The following SVIL variants were observed in gnomAD, a reference collection of about 807,000 sequenced individuals.
The protein encoded by SVIL is supervillin.
Under a neutral mutation model 240.4 loss-of-function variants are expected in SVIL, and 101 were observed. The ratio of observed to expected loss-of-function variants is 0.42; its 90% CI spans 0.36 to 0.50. The LOEUF (loss-of-function observed/expected upper bound fraction) is 0.50. Among genes scored for constraint, SVIL ranks in the 20% least tolerant of loss-of-function variants. The pLI, the probability that SVIL is intolerant of heterozygous loss-of-function variation, is 0.01. For missense variants in SVIL, 2,512 were observed against 2,818.7 expected (o/e 0.89, Z 2.46); for synonymous variants, 999 against 1,100.0 (o/e 0.91, Z 1.82).
rs1948693773 is a variant in SVIL at position 29,499,266 on chromosome 10, G to A, written c.3517-3C>T. ...CTCTCTCGACTTTCTGTGACCCGCT[G>A]TTCATAAATGTACAGAAGAGAAAAC... On this transcript the variant is annotated splice_polypyrimidine_tract_variant and splice_region_variant and intron_variant, in intron 17 of 37. Coordinates refer to ENST00000355867, the MANE Select transcript of SVIL (RefSeq NM_021738.3). The A allele has an allele frequency of 1.2e-6, 2 of 1,614,216 alleles. No homozygotes were observed. Among genetic ancestry groups the A allele is most frequent in the Non-Finnish European group, 1.7e-6 (2 of 1,180,046 alleles).
chr10:29,648,422 G>A lies in SVIL; in HGVS notation c.-201+9547C>T, dbSNP rs141928192. ...CAGATCCACTCTGAGCAGAAAAGAC[G>A]GAATCAGTACTCTTCCATAAAATGA... is the stretch of plus-strand genomic sequence containing the variant. On this transcript the variant is annotated intron_variant, in intron 3 of 35. Transcript: ENST00000375400. 4.6e-5 allele frequency among the ~76,000 whole-genome samples: 7 copies of A among 152,240 alleles called. No individual in the cohort carries two copies. The East Asian group carries it at 1.2e-3, about 25-fold the overall frequency.
intron 1 of SVIL, among the ~76,000 whole-genome samples, chr10:29,574,726 G>T (rs1160695392): frequency 6.6e-6 from 1 of 152,214 alleles, no homozygotes; most frequent in African/African-American, 2.4e-5. Flanking sequence ...GGCCACTGTT[G>T]TAAACTTGTC....
intron 17 of SVIL, chr10:29,508,504 G>C (rs570993378): frequency 1.3e-6 from 1 of 769,912 alleles, no homozygotes; most frequent in Admixed American, 2.4e-5. Flanking sequence ...CAGCATGCAC[G>C]TGCTCACACA....
chr10:29,588,814 T>C (rs533036006), intron 1 of SVIL, among the ~76,000 whole-genome samples: 61 of 152,292 alleles, frequency 4.0e-4, no homozygotes, highest in Admixed American at 9.8e-4. Context: ...CGTAACTGAC[T>C]TCCCCCTCCT....
At chr10:29,619,142 A>G (rs1166426316) in intron 1 of SVIL, among the ~76,000 whole-genome samples, 2 of 152,232 alleles carry the variant, frequency 1.3e-5, no homozygotes, top group African/African-American at 4.8e-5. Flanking sequence ...TAGAGGACTG[A>G]CAGAAGTCAT....
In SVIL at chr10:29,512,838, C is replaced by T; in HGVS notation, c.3413G>A (p.Gly1138Glu). The part of the protein sequence containing the change: ...KERLALLKKS[G>E]EEDWRNRLSR... ...GAGTCTGTTTCTCCAATCTTCCTCC[C>T]CGCTTTTCTTCAACAGTGCCAATCT... The change falls in exon 17 of 38, where the codon GGG (glycine) becomes GAG (glutamate). Residue 1138 changes from glycine (G) to glutamate (E), a missense_variant. Physicochemically the swap from Gly to Glu is moderately conservative, Grantham distance 98. Coordinates refer to ENST00000355867, the MANE Select transcript of SVIL (RefSeq NM_021738.3). 2 of 1,611,568 alleles carry T rather than the reference C, an allele frequency of 1.2e-6. No homozygotes were observed. Among genetic ancestry groups the T allele is most frequent in the Non-Finnish European group, 8.5e-7 (1 of 1,180,006 alleles).
chr10:29,545,115 CAG>C (rs774867106), intron 6 of SVIL: 3 of 533,776 alleles, frequency 5.6e-6, no homozygotes. Flanking sequence ...ACACCTCTCT[CAG>C]TGCATGGAAA....
intron 1 of SVIL, among the ~76,000 whole-genome samples, chr10:29,724,865 T>A (rs1964201406): frequency 1.3e-5 from 2 of 151,552 alleles, no homozygotes; most frequent in African/African-American, 2.4e-5. Context: ...CCACCAAAAA[T>A]ACAAAAATTA....
chr10:29,711,512 G>A (rs181658991), intron 1 of SVIL, among the ~76,000 whole-genome samples: 6 of 152,238 alleles, frequency 3.9e-5, no homozygotes, highest in Admixed American at 1.3e-4. Flanking sequence ...TGTAATCCCA[G>A]CACTTTGGGA....
intron 24 of SVIL, among the ~76,000 whole-genome samples, chr10:29,486,835 C>T (rs1307731664): frequency 1.3e-5 from 2 of 152,218 alleles, no homozygotes; most frequent in African/African-American, 2.4e-5. Flanking sequence ...TACCCCATGA[C>T]AGTCTCATTC....
chr10:29,500,903 T>C (rs1948838625), intron 17 of SVIL, among the ~76,000 whole-genome samples: 1 of 152,044 alleles, frequency 6.6e-6, no homozygotes, highest in South Asian at 2.1e-4. Flanking sequence ...AGAGTGGAGA[T>C]GGGGACAGTT....
intron 3 of SVIL, among the ~76,000 whole-genome samples, chr10:29,641,595 T>C (rs1303564300): frequency 6.6e-6 from 1 of 151,830 alleles, no homozygotes; most frequent in Non-Finnish European, 1.5e-5. Context: ...AAATAAAAAA[T>C]AAAAATAAAT....
intron 1 of SVIL, among the ~76,000 whole-genome samples, chr10:29,628,671 T>C (rs1372945171): frequency 6.6e-6 from 1 of 152,156 alleles, no homozygotes; most frequent in Non-Finnish European, 1.5e-5. Context: ...ATACAAATTC[T>C]CACACAGCTA....
chr10:29,491,677 A>C (rs144982270), intron 21 of SVIL, among the ~76,000 whole-genome samples: 612 of 152,292 alleles, frequency 4.0e-3, no homozygotes, highest in East Asian at 9.7e-3. Context: ...GCAGACCGAG[A>C]GAAGCGATCT....
At chr10:29,549,757 T>C (rs1396907463) in intron 6 of SVIL, among the ~76,000 whole-genome samples, 2 of 140,930 alleles carry the variant, frequency 1.4e-5, no homozygotes, top group East Asian at 2.1e-4. Context: ...TCATTCTCAG[T>C]AAACTATCGC....
chr10:29,575,614 GGAT>G (rs1430434219), intron 1 of SVIL, among the ~76,000 whole-genome samples: 2 of 152,120 alleles, frequency 1.3e-5, no homozygotes, highest in South Asian at 4.1e-4. Context: ...TTCTCTCACT[GGAT>G]GATTTAGTAA....
chr10:29,494,452 A>T (rs1393412038), intron 20 of SVIL, among the ~76,000 whole-genome samples: 1 of 152,214 alleles, frequency 6.6e-6, no homozygotes, highest in Non-Finnish European at 1.5e-5. Flanking sequence ...CAAGAGATAA[A>T]AGGCTGTTTT....
chr10:29,657,151 C>A (rs1959031145), intron 3 of SVIL, among the ~76,000 whole-genome samples: 12 of 152,190 alleles, frequency 7.9e-5, no homozygotes. Context: ...TATTGTGTCT[C>A]TCAATGATTA....
At chr10:29,625,252 T>C (rs1412620588) in intron 1 of SVIL, among the ~76,000 whole-genome samples, 1 of 152,226 alleles carries the variant, frequency 6.6e-6, no homozygotes, top group Non-Finnish European at 1.5e-5. Flanking sequence ...AATAAAGTTC[T>C]GAGACAAAGT....
Sources: allele counts gnomAD v4.1 joint callset (sites outside exome capture counted in the v4.1 genomes callset), GRCh38; gene constraint gnomAD v4.1.1; transcripts MANE v1.5; gene names NCBI Gene and HGNC (gene_info 2026-07-23, HGNC 2026-07-21).